The following USP8 variants were observed in gnomAD, a reference collection of about 807,000 sequenced individuals.
The protein encoded by USP8 is ubiquitin specific peptidase 8.
A neutral mutation model predicts 130.0 loss-of-function variants in USP8; 27 were observed. The ratio of observed to expected loss-of-function variants is 0.21; its 90% confidence interval spans 0.15 to 0.29. The LOEUF is 0.29. Among genes scored for constraint, USP8 ranks in the 10% least tolerant of loss-of-function variants. The pLI, the probability that USP8 is intolerant of heterozygous loss-of-function variation, is 1.00. For synonymous variants in USP8, 392 were observed against 444.1 expected (o/e 0.88, Z 1.48); for missense variants, 1,029 against 1,312.2 (o/e 0.78, Z 3.33).
At chr15:50,438,764 A>G (rs1347591781) in intron 1 of USP8, among the ~76,000 whole-genome samples, 1 of 152,204 alleles carries the variant, frequency 6.6e-6, no homozygotes, top group African/African-American at 2.4e-5. Context: ...TTGACAGGTA[A>G]GATTCCCAAC....
chr15:50,497,040 A>T (rs751659469), intron 17 of USP8, 49 bp from the exon 18 acceptor site: 1 of 1,560,308 alleles, frequency 6.4e-7, no homozygotes, highest in Non-Finnish European at 8.6e-7. Context: ...CTCTGACATT[A>T]TTGAAGAATC....
chr15:50,451,161 A>G (rs558929397), intron 4 of USP8, among the ~76,000 whole-genome samples: 17 of 152,286 alleles, frequency 1.1e-4, no homozygotes, highest in African/African-American at 4.1e-4. Flanking sequence ...TAATGCCTGC[A>G]CTTTGGTAGG....
rs879150509 is a variant in USP8 at position 50,484,168 on chromosome 15, C to G, written c.1804-107C>G. 12 of 771,506 alleles carry G rather than the reference C, an allele frequency of 1.6e-5. No homozygotes were observed. In the South Asian group the frequency reaches 1.9e-4, roughly 12 times the overall value. The allele number at this position is 771,506 out of a possible 1,614,324, so 47.8% of individuals were successfully genotyped here. ...AAATTTTCAGAGGCCTTTTTTTTCT[C>G]CTTTTACATTTTCATTCTCATAGAT... On this transcript the variant is annotated intron_variant, in intron 11 of 19. Transcript: ENST00000307179.
chr15:50,450,158 G>T (rs547971130), intron 4 of USP8, among the ~76,000 whole-genome samples: 1 of 152,148 alleles, frequency 6.6e-6, no homozygotes, highest in South Asian at 2.1e-4. Context: ...GCCTCCCAAA[G>T]TGCTGAGATT....
rs2049625986 is a variant in USP8, at chr15:50,424,440, A to C, written c.-140A>C. 2.5e-6 allele frequency: 1 copy of C among 398,692 alleles called. No homozygotes were observed. The highest frequency in any genetic ancestry group is 4.4e-6 in the Non-Finnish European group (1 of 226,100). 24.7% of individuals were successfully genotyped at this position (398,692 alleles called of 1,614,324 possible). On this transcript the variant is annotated 5_prime_UTR_variant, in exon 1 of 20. Coordinates refer to ENST00000307179, the MANE Select transcript of USP8 (RefSeq NM_005154.5). ...GGCTTCCGTCCTGGTAGCCAAGGCT[A>C]ATTCTCCCTCGAGTTCTTGGGAGAT...
Position 50,439,071 on chromosome 15 carries a change from A to G in USP8, c.-3A>G. The G allele has an allele frequency of 6.2e-7, 1 of 1,605,772 alleles. No individual in the cohort carries two copies. The highest frequency in any genetic ancestry group is 8.5e-7 in the Non-Finnish European group (1 of 1,175,254). On this transcript the variant is annotated 5_prime_UTR_variant, in exon 2 of 20. Coordinates refer to ENST00000307179, the MANE Select transcript of USP8 (RefSeq NM_005154.5). Reference sequence around the variant, plus strand: ...GAAAGTGGAAAAGTAAAGATAATTCATCATGCCTGCTGTGGCTTCAGTTCC... The same window carrying G: ...GAAAGTGGAAAAGTAAAGATAATTCGTCATGCCTGCTGTGGCTTCAGTTCC...
In USP8 at chr15:50,454,733, A is replaced by T. The variant is rs185040345; in HGVS notation, c.336-4267A>T. Among the ~76,000 whole-genome samples, 7 of 152,046 alleles carry T rather than the reference A, an allele frequency of 4.6e-5. No individual in the cohort carries two copies. The East Asian group carries it at 1.4e-3, about 30-fold the overall frequency. ...GCCTCCCAGAGTGCTGGGATTACAG[A>T]TGTGAGCCACCACGCCCAGCCTGGA... On this transcript the variant is annotated intron_variant, in intron 4 of 19. Transcript: ENST00000307179.
rs186314866 is a variant in USP8 at position 50,506,835 on chromosome 15, A to G, written c.*7747A>G. ...TAGCCGGGCATGGTGGCAGGCGCCT[A>G]TAGTCCCAGCTACTCCGGAGGCTGA... On this transcript the variant is annotated 3_prime_UTR_variant, in exon 20 of 20. Transcript: ENST00000307179. 0.02 allele frequency: 3,026 copies of G among 151,858 alleles called. 43 individuals carry two copies. The highest frequency in any genetic ancestry group is 0.031 in the Non-Finnish European group (2,089 of 68,092). The allele number at this position is 151,858 out of a possible 1,614,324, so 9.4% of individuals were successfully genotyped here. A position where few individuals can be genotyped will look rare whatever the true frequency, so the allele number is the denominator to read the frequency against.
At chr15:50,441,969 CTTTTTTTTT>C (rs1011150634) in intron 3 of USP8, among the ~76,000 whole-genome samples, 1 of 81,436 alleles carries the variant, frequency 1.2e-5, no homozygotes, top group African/African-American at 5.0e-5. Flanking sequence ...CTCCCTAAAT[CTTTTTTTTT>C]TTTTTTTTTT....
Position 50,490,528 on chromosome 15 carries a change from A to G in USP8, c.2234+3A>G. ...CCAACAGTTAATCGGGAAAACAAGT[A>G]TGTTTATCTTAACTCCTAGAACTAA... is the stretch of plus-strand genomic sequence containing the variant. On this transcript the variant is annotated splice_donor_region_variant and intron_variant, in intron 14 of 19. Coordinates refer to ENST00000307179, the MANE Select transcript of USP8 (RefSeq NM_005154.5). The G allele has an allele frequency of 6.2e-7, 1 of 1,612,786 alleles. No homozygotes were observed. Among genetic ancestry groups the G allele is most frequent in the South Asian group, 1.1e-5 (1 of 91,002 alleles).
Position 50,510,002 on chromosome 15 carries a change from C to A in USP8, c.*10914C>A, listed in dbSNP as rs1156751812. The A allele has an allele frequency of 2.6e-5, 4 of 151,944 alleles. No homozygotes were observed. The highest frequency in any genetic ancestry group is 5.9e-5 in the Non-Finnish European group (4 of 67,992). 9.4% of individuals were successfully genotyped at this position (151,944 alleles called of 1,614,324 possible). A position where few individuals can be genotyped will look rare whatever the true frequency, so the allele number is the denominator to read the frequency against. On this transcript the variant is annotated 3_prime_UTR_variant, in exon 20 of 20. Transcript: ENST00000307179. ...ATCAATGTTTATTTCAAAGCTATAG[C>A]TATAATTAATATTCATAAGCTAAAT...
chr15:50,439,976 T>C (rs1342137189), intron 2 of USP8, among the ~76,000 whole-genome samples: 1 of 152,032 alleles, frequency 6.6e-6, no homozygotes, highest in Non-Finnish European at 1.5e-5. Flanking sequence ...TAATCCCAGC[T>C]AGTGGGGGGC....
intron 1 of USP8, among the ~76,000 whole-genome samples, chr15:50,425,535 T>C (rs1412824064): frequency 6.6e-6 from 1 of 152,338 alleles, no homozygotes; most frequent in Non-Finnish European, 1.5e-5. Context: ...ATTAAGCATA[T>C]CTGGAAGGTG....
chr15:50,467,730 A>G (rs1239302736), intron 7 of USP8, among the ~76,000 whole-genome samples: 6 of 150,906 alleles, frequency 4.0e-5, no homozygotes, highest in African/African-American at 1.2e-4. Context: ...TGATTTTTGT[A>G]TTTTTTTGTA....
intron 1 of USP8, among the ~76,000 whole-genome samples, chr15:50,432,043 G>A (rs1248571133): frequency 6.6e-6 from 1 of 152,144 alleles, no homozygotes; most frequent in African/African-American, 2.4e-5. Context: ...TGAGCACTGC[G>A]TGTGTATGAG....
chr15:50,429,432 G>A (rs533627203), intron 1 of USP8, among the ~76,000 whole-genome samples: 1 of 151,244 alleles, frequency 6.6e-6, no homozygotes, highest in East Asian at 2.0e-4. Context: ...GAAACAAATT[G>A]TTGCCTTCAT....
At position 50,465,083 on chromosome 15, in the gene USP8, C is replaced by A. The variant is rs368365577; in HGVS notation, c.578C>A (p.Thr193Lys). The A allele has an allele frequency of 1.9e-6, 3 of 1,613,976 alleles. No individual in the cohort carries two copies. The highest frequency in any genetic ancestry group is 2.2e-5 in the East Asian group (1 of 44,854). ...ITAKELYTMM[T>K]DKNISLIIMD... is the part of the protein sequence containing the mutation. ...GCAAAGGAACTATACACAATGATGA[C>A]GGATAAAAACATCAGCTTGATTATA... Residue 193 changes from threonine (T) to lysine (K), a missense_variant, in exon 7 of 20, where the codon ACG becomes AAG. Physicochemically the swap from Thr to Lys is moderately conservative, Grantham distance 78. This residue lies in a region of USP8 where 281 missense variants were observed against 336.7 expected (regional missense o/e 0.83). Transcript: ENST00000307179.
intron 7 of USP8, among the ~76,000 whole-genome samples, chr15:50,468,177 C>G (rs1172504410): frequency 2.0e-5 from 3 of 150,832 alleles, no homozygotes; most frequent in East Asian, 3.9e-4. Flanking sequence ...CTCAAATGAT[C>G]CACCTGCCTT....
At chr15:50,484,160 T>C in intron 11 of USP8, 115 bp from the exon 12 acceptor site, 1 of 777,810 alleles carries the variant, frequency 1.3e-6, no homozygotes, top group African/African-American at 1.8e-5. Flanking sequence ...CAGAGGCCTT[T>C]TTTTTCTCCT....
Sources: allele counts gnomAD v4.1 joint callset (sites outside exome capture counted in the v4.1 genomes callset), GRCh38; gene constraint gnomAD v4.1.1; regional missense constraint gnomAD v4.1.1; transcripts MANE v1.5; gene names NCBI Gene and HGNC (gene_info 2026-07-23, HGNC 2026-07-21).